The following PDE9A variants were observed in gnomAD, a reference collection of about 807,000 sequenced individuals.
PDE9A encodes high affinity cGMP-specific 3',5'-cyclic phosphodiesterase 9A.
Under a neutral mutation model 87.4 loss-of-function variants are expected in PDE9A, and 60 were observed. That is an observed-to-expected ratio of 0.69 (90% CI 0.56 to 0.85). PDE9A has a LOEUF of 0.85. Ranked by LOEUF, PDE9A falls within the 40% of genes least tolerant of loss-of-function variation. The pLI, the probability that PDE9A is intolerant of heterozygous loss-of-function variation, is 0.00. For synonymous variants in PDE9A, 272 were observed against 279.4 expected (o/e 0.97, Z 0.27); for missense variants, 665 against 779.0 (o/e 0.85, Z 1.74).
At chr21:42,746,419 C>A (rs140480451) in intron 8 of PDE9A, among the ~76,000 whole-genome samples, 1 of 152,220 alleles carries the variant, frequency 6.6e-6, no homozygotes, top group African/African-American at 2.4e-5. Context: ...AGGGGAGGGA[C>A]CTTCCCGGTC....
At chr21:42,756,308 A>T (rs553802452) in intron 10 of PDE9A, among the ~76,000 whole-genome samples, 1 of 152,296 alleles carries the variant, frequency 6.6e-6, no homozygotes, top group African/African-American at 2.4e-5. Flanking sequence ...AGTGGCAAAG[A>T]GGGACAACTA....
At chr21:42,715,680 C>T (rs1391558041) in intron 4 of PDE9A, among the ~76,000 whole-genome samples, 1 of 151,752 alleles carries the variant, frequency 6.6e-6, no homozygotes, top group Non-Finnish European at 1.5e-5. Context: ...TTGACATATC[C>T]TTATCAGCCA....
chr21:42,769,342 C>T (rs2056708997), intron 17 of PDE9A, among the ~76,000 whole-genome samples, 187 bp downstream of exon 17: 2 of 151,484 alleles, frequency 1.3e-5, no homozygotes, highest in Admixed American at 6.6e-5. Flanking sequence ...CACAGCTACA[C>T]ACAGGCACAC....
chr21:42,670,187 A>ACATT (rs1555901944), intron 1 of PDE9A, among the ~76,000 whole-genome samples: 17 of 145,930 alleles, frequency 1.2e-4, no homozygotes, highest in African/African-American at 4.6e-4. Flanking sequence ...ACATACACTT[A>ACATT]CACACATTCA....
chr21:42,721,645 T>C (rs1015418255), intron 4 of PDE9A, among the ~76,000 whole-genome samples: 22 of 152,100 alleles, frequency 1.4e-4, no homozygotes, highest in African/African-American at 4.1e-4. Context: ...CCTCAGCCAG[T>C]TGAATAGTTC....
intron 16 of PDE9A, chr21:42,768,520 C>T (rs1602578179): frequency 7.7e-7 from 1 of 1,301,226 alleles, no homozygotes; most frequent in Non-Finnish European, 9.8e-7. Context: ...CTAAAACTGT[C>T]ACCTGTCACT....
chr21:42,661,458 C>T (rs570365402), intron 1 of PDE9A, among the ~76,000 whole-genome samples: 17 of 138,078 alleles, frequency 1.2e-4, no homozygotes, highest in African/African-American at 4.2e-4. Flanking sequence ...CTGCTGAGTG[C>T]GGGGACCTCA....
chr21:42,755,126 C>G (rs2147036341), intron 10 of PDE9A, among the ~76,000 whole-genome samples: 2 of 152,294 alleles, frequency 1.3e-5, no homozygotes, highest in South Asian at 4.1e-4. Context: ...TTCAACGCAC[C>G]AAAATCTAAG....
chr21:42,699,196 C>T (rs1370110817), intron 4 of PDE9A, among the ~76,000 whole-genome samples, 185 bp downstream of exon 4: 1 of 152,256 alleles, frequency 6.6e-6, no homozygotes, highest in Non-Finnish European at 1.5e-5. Flanking sequence ...GCCGATACAA[C>T]TGCAGAATCT....
intron 14 of PDE9A, among the ~76,000 whole-genome samples, chr21:42,765,018 G>GATGGATGA (rs140976951): frequency 0.39 from 58,163 of 150,620 alleles, 11,957 homozygotes; most frequent in South Asian, 0.53. Context: ...TGGATGGATG[G>GATGGATGA]ATGGGTGGAT....
chr21:42,673,550 CATAT>C (rs1189573345), intron 1 of PDE9A, among the ~76,000 whole-genome samples: 1 of 152,228 alleles, frequency 6.6e-6, no homozygotes, highest in African/African-American at 2.4e-5. Flanking sequence ...ACATATGAAG[CATAT>C]ATAAACAGTT....
chr21:42,757,261 G>C (rs150389899), intron 10 of PDE9A: 1 of 152,256 alleles, frequency 6.6e-6, no homozygotes, highest in African/African-American at 2.4e-5. Flanking sequence ...CTTTAAGGAC[G>C]TTTCCCAGGT....
At chr21:42,674,895 G>T (rs1351483688) in intron 1 of PDE9A, among the ~76,000 whole-genome samples, 1 of 152,212 alleles carries the variant, frequency 6.6e-6, no homozygotes, top group South Asian at 2.1e-4. Context: ...TCGTAGGCTG[G>T]TTCTGTTATC....
chr21:42,726,592 CCATATATATA>C (rs537515419), intron 4 of PDE9A, among the ~76,000 whole-genome samples: 884 of 73,958 alleles, frequency 0.012, 31 homozygotes, highest in African/African-American at 0.026. Context: ...CCACGCCTGG[CCATATATATA>C]TATATATATA....
At chr21:42,717,058 T>C (rs2050000149) in intron 4 of PDE9A, among the ~76,000 whole-genome samples, 1 of 151,490 alleles carries the variant, frequency 6.6e-6, no homozygotes, top group Non-Finnish European at 1.5e-5. Context: ...GTGCCTGGCC[T>C]ATAATTTCTT....
intron 3 of PDE9A, among the ~76,000 whole-genome samples, chr21:42,690,968 A>T (rs928658958): frequency 1.3e-5 from 2 of 151,898 alleles, no homozygotes; most frequent in Non-Finnish European, 2.9e-5. Flanking sequence ...ACCCAGACCC[A>T]TCACCATCAC....
intron 7 of PDE9A, among the ~76,000 whole-genome samples, chr21:42,736,506 G>A (rs756055324): frequency 4.4e-4 from 67 of 152,140 alleles, no homozygotes; most frequent in Non-Finnish European, 7.5e-4. Context: ...AAAGGACACC[G>A]CTCTTGACCC....
At position 42,739,329 on chromosome 21, in the gene PDE9A, T is replaced by C. The variant is rs1003376286; in HGVS notation, c.569-4447T>C. ...GACTGGCCCGCTCCTCCCTCTGGATTGAGGTGGAGCAGGGCTGGCAGTGGG... is the reference window on the plus strand; with the variant it reads ...GACTGGCCCGCTCCTCCCTCTGGATCGAGGTGGAGCAGGGCTGGCAGTGGG... On this transcript the variant is annotated intron_variant, in intron 7 of 19. Transcript: ENST00000291539. This position sits in a 1 kb window ranked among gnomAD's most constrained non-coding sequence, Gnocchi z 4.1. 1.3e-5 allele frequency among the ~76,000 whole-genome samples: 2 copies of C among 152,124 alleles called. No homozygotes were observed. The highest frequency in any genetic ancestry group is 1.3e-4 in the Admixed American group (2 of 15,276).
At chr21:42,666,224 C>T (rs1355214880) in intron 1 of PDE9A, among the ~76,000 whole-genome samples, 1 of 152,348 alleles carries the variant, frequency 6.6e-6, no homozygotes, top group East Asian at 1.9e-4. Context: ...TGGCTATCAG[C>T]TCCAGAAGGC....
Sources: allele counts gnomAD v4.1 joint callset (sites outside exome capture counted in the v4.1 genomes callset), GRCh38; gene constraint gnomAD v4.1.1; non-coding constraint Gnocchi (gnomAD v3.1); transcripts MANE v1.5; gene names NCBI Gene and HGNC (gene_info 2026-07-23, HGNC 2026-07-21).